GRID2: variants seen among roughly 807,000 people sequenced by gnomAD.
GRID2 encodes the protein glutamate ionotropic receptor delta type subunit 2.
Under a neutral mutation model 114.8 loss-of-function variants are expected in GRID2, and 33 were observed. The observed-to-expected ratio is 0.29, with a 90% CI of 0.22 to 0.38. The LOEUF is 0.38. Ranked by LOEUF, GRID2 falls within the 10% of genes least tolerant of loss-of-function variation. The probability of loss-of-function intolerance (pLI) is 1.00; values close to 1 mark genes in which losing one functional copy is unlikely to be tolerated. For synonymous variants in GRID2, 505 were observed against 449.9 expected (o/e 1.12, Z -1.55); for missense variants, 1,184 against 1,257.7 (o/e 0.94, Z 0.89).
At chr4:92,946,559 C>G (rs982582665) in intron 2 of GRID2, among the ~76,000 whole-genome samples, 28 of 151,996 alleles carry the variant, frequency 1.8e-4, no homozygotes, top group Admixed American at 5.3e-4. Context: ...ATTAAAAATT[C>G]CAAGGCTTTG....
chr4:92,597,568 G>A (rs775582783), intron 2 of GRID2, among the ~76,000 whole-genome samples: 4 of 152,092 alleles, frequency 2.6e-5, no homozygotes, highest in African/African-American at 7.2e-5. Flanking sequence ...CTTTAGCAGC[G>A]TTCTGTGAAA....
chr4:92,840,695 C>T (rs1212667823), intron 2 of GRID2, among the ~76,000 whole-genome samples: 5 of 152,010 alleles, frequency 3.3e-5, no homozygotes, highest in Non-Finnish European at 7.4e-5. Context: ...ATATGTCCTT[C>T]CTTCTTCTAT....
In GRID2 at chr4:93,588,542, G is replaced by A. The variant is rs1369697715; in HGVS notation, c.2194-37727G>A. 3.9e-5 allele frequency among the ~76,000 whole-genome samples: 6 copies of A among 152,066 alleles called. No homozygotes were observed. The South Asian group carries it at 6.2e-4, about 16-fold the overall frequency. The stretch of plus-strand genomic sequence containing the variant: ...TCAAGGGAGAAGGCAAACAGAAAAT[G>A]CATCAAATCTCAGTATTATTGTCTA... On this transcript the variant is annotated intron_variant, in intron 13 of 15. Transcript: ENST00000282020.
intron 8 of GRID2, among the ~76,000 whole-genome samples, chr4:93,332,297 T>A (rs199872094): frequency 0.19 from 24,980 of 129,940 alleles, 3,762 homozygotes; most frequent in African/African-American, 0.46. Flanking sequence ...TGTGTGTGTG[T>A]GTGAGAGAGA....
intron 1 of GRID2, among the ~76,000 whole-genome samples, chr4:93,782,127 G>C (rs1313682614): frequency 6.6e-6 from 1 of 151,994 alleles, no homozygotes; most frequent in Non-Finnish European, 1.5e-5. Context: ...ACTCAGAATT[G>C]ACCAAACTGC....
chr4:93,136,988 AGTT>A (rs1411071848), intron 4 of GRID2, among the ~76,000 whole-genome samples: 1 of 152,242 alleles, frequency 6.6e-6, no homozygotes, highest in African/African-American at 2.4e-5. Context: ...TATAATCTAA[AGTT>A]GTTGATTATG....
intron 11 of GRID2, among the ~76,000 whole-genome samples, chr4:93,485,428 T>C (rs1352373381): frequency 1.3e-5 from 2 of 151,820 alleles, no homozygotes; most frequent in Non-Finnish European, 2.9e-5. Context: ...ATGCATTTTA[T>C]GCTGTGTTTA....
intron 2 of GRID2, among the ~76,000 whole-genome samples, chr4:92,847,491 TC>T (rs1743416192): frequency 6.6e-6 from 1 of 152,080 alleles, no homozygotes; most frequent in African/African-American, 2.4e-5. Context: ...TATTTTAAAA[TC>T]CCCTTCTCCT....
chr4:93,548,835 A>G (rs1027346705), intron 13 of GRID2, among the ~76,000 whole-genome samples: 11 of 152,234 alleles, frequency 7.2e-5, no homozygotes, highest in Non-Finnish European at 1.0e-4. Context: ...ATGTACTGGA[A>G]CATGGCTTTC....
intron 2 of GRID2, among the ~76,000 whole-genome samples, chr4:92,613,387 C>T (rs951125123): frequency 1.3e-5 from 2 of 151,388 alleles, no homozygotes; most frequent in African/African-American, 4.8e-5. Flanking sequence ...ATATTCTCTT[C>T]TTGTGATGTT....
intron 8 of GRID2, among the ~76,000 whole-genome samples, chr4:93,367,107 A>G (rs1183682680): frequency 1.3e-5 from 2 of 152,002 alleles, no homozygotes; most frequent in Non-Finnish European, 2.9e-5. Flanking sequence ...ATCTATCCCC[A>G]ATCTCAATTT....
At chr4:93,478,906 C>A (rs1006596804) in intron 11 of GRID2, among the ~76,000 whole-genome samples, 1 of 151,928 alleles carries the variant, frequency 6.6e-6, no homozygotes, top group South Asian at 2.1e-4. Context: ...TGCTTATTTG[C>A]AAATAGACCT....
chr4:92,686,804 C>A (rs1466617381), intron 2 of GRID2, among the ~76,000 whole-genome samples: 1 of 151,902 alleles, frequency 6.6e-6, no homozygotes, highest in Admixed American at 6.6e-5. Flanking sequence ...AAAGACAAGT[C>A]CTCTTGTCAA....
intron 2 of GRID2, among the ~76,000 whole-genome samples, chr4:92,931,745 C>A (rs563486210): frequency 7.1e-4 from 107 of 150,642 alleles, no homozygotes; most frequent in African/African-American, 2.4e-3. Flanking sequence ...GCTACTGCTT[C>A]TAGTAATAAA....
At chr4:93,170,491 T>C (rs996548819) in intron 4 of GRID2, among the ~76,000 whole-genome samples, 3 of 152,096 alleles carry the variant, frequency 2.0e-5, no homozygotes, top group Non-Finnish European at 4.4e-5. Flanking sequence ...CACATCCGGA[T>C]GTGTGTTTCA....
intron 2 of GRID2, among the ~76,000 whole-genome samples, chr4:92,762,488 A>G: frequency 6.6e-6 from 1 of 152,078 alleles, no homozygotes; most frequent in East Asian, 1.9e-4. Context: ...TTATCTGAGA[A>G]ATTCAGTTTA....
rs1414336635 is a variant in GRID2, at chr4:93,190,167, A to T, written c.736-17237A>T. ...TAAAATAAAATGTTTCAAGAAAGGG[A>T]ACTAACACTTTTGTTTTTTATTAAA... On this transcript the variant is annotated intron_variant, in intron 4 of 15. Coordinates refer to ENST00000282020, the MANE Select transcript of GRID2 (RefSeq NM_001510.4). 2.6e-5 allele frequency among the ~76,000 whole-genome samples: 4 copies of T among 152,112 alleles called. No homozygotes were observed. The East Asian group carries it at 7.7e-4, about 29-fold the overall frequency.
intron 14 of GRID2, among the ~76,000 whole-genome samples, chr4:93,632,194 T>G (rs757711692): frequency 2.0e-5 from 3 of 152,232 alleles, no homozygotes; most frequent in Middle Eastern, 3.2e-3. Context: ...GTAGTTTCTT[T>G]TGCTGTGCAG....
chr4:92,897,723 T>C (rs985491380), intron 2 of GRID2, among the ~76,000 whole-genome samples: 1 of 152,322 alleles, frequency 6.6e-6, no homozygotes, highest in East Asian at 1.9e-4. Context: ...CTTGGAAATA[T>C]TGCTGGAACA....
Sources: allele counts gnomAD v4.1 joint callset (sites outside exome capture counted in the v4.1 genomes callset), GRCh38; gene constraint gnomAD v4.1.1; transcripts MANE v1.5; gene names NCBI Gene and HGNC (gene_info 2026-07-23, HGNC 2026-07-21).